Variants in LEPROTL1 observed in about 807,000 individuals in gnomAD.
LEPROTL1 encodes leptin receptor overlapping transcript-like 1.
LEPROTL1 carries 6 observed loss-of-function variants against 15.4 expected under a neutral mutation model. The ratio of observed to expected loss-of-function variants is 0.39; its 90% confidence interval spans 0.21 to 0.77. The LOEUF is 0.77. Among genes scored for constraint, LEPROTL1 ranks in the 30% least tolerant of loss-of-function variants. The probability of loss-of-function intolerance (pLI) is 0.41; values close to 1 mark genes in which losing one functional copy is unlikely to be tolerated. For synonymous variants in LEPROTL1, 56 were observed against 52.6 expected, an observed-to-expected ratio of 1.06 and a Z score of -0.28; for missense variants, 128 against 158.1, an observed-to-expected ratio of 0.81 and a Z score of 1.02.
intron 1 of LEPROTL1, among the ~76,000 whole-genome samples, chr8:30,100,127 G>A (rs115011056): frequency 4.3e-4 from 66 of 152,290 alleles, no homozygotes; most frequent in African/African-American, 1.5e-3. Context: ...TGTGTTCGGG[G>A]TTGCCATGAC....
chr8:30,117,982 GT>G (rs1802768118), intron 3 of LEPROTL1, among the ~76,000 whole-genome samples: 1 of 143,860 alleles, frequency 7.0e-6, no homozygotes, highest in Non-Finnish European at 1.5e-5. Flanking sequence ...TGAATCTACT[GT>G]TTGGGAAAAA....
chr8:30,111,474 A>G (rs1802651998), downstream of LEPROTL1, among the ~76,000 whole-genome samples: 1 of 152,224 alleles, frequency 6.6e-6, no homozygotes, highest in Admixed American at 6.5e-5. Context: ...TGGTGTTCAC[A>G]TCTCTGTATT....
At chr8:30,123,573 A>G (rs957298115) in intron 3 of LEPROTL1, among the ~76,000 whole-genome samples, 2 of 152,188 alleles carry the variant, frequency 1.3e-5, no homozygotes, top group Admixed American at 6.5e-5. Flanking sequence ...TTCTCATGTC[A>G]TACTAGCATT....
chr8:30,108,166 G>A lies in LEPROTL1; in HGVS notation c.*2304G>A, dbSNP rs774594657. On this transcript the variant is annotated 3_prime_UTR_variant, in exon 4 of 4. Coordinates refer to ENST00000321250, the MANE Select transcript of LEPROTL1 (RefSeq NM_015344.3). ...AGGTGATGTAAAGCAAGATGACATT[G>A]GTGTAATGTTAGAGTTGCAGAAGTT... 3.6e-6 allele frequency: 1 copy of A among 276,122 alleles called. No individual in the cohort carries two copies. Among genetic ancestry groups the A allele is most frequent in the Non-Finnish European group, 5.5e-6 (1 of 181,548 alleles). The allele number at this position is 276,122 out of a possible 1,614,324, so 17.1% of individuals were successfully genotyped here.
At chr8:30,135,404 C>T (rs866429772) in intron 4 of LEPROTL1, among the ~76,000 whole-genome samples, 2 of 152,200 alleles carry the variant, frequency 1.3e-5, no homozygotes, top group African/African-American at 4.8e-5. Flanking sequence ...AATAAAAACT[C>T]GGTAGTGAAG....
chr8:30,104,470 T>C lies in LEPROTL1; in HGVS notation c.263T>C (p.Phe88Ser). 1 of 1,602,688 alleles carries C rather than the reference T, an allele frequency of 6.2e-7. No individual in the cohort carries two copies. Among genetic ancestry groups the C allele is most frequent in the South Asian group, 1.1e-5 (1 of 88,276 alleles). ...TCAGCTTTTGGACTCCCTATTGTAT[T>C]TGCCAGAGCACATCTGGTAAGTGAA... Reference protein sequence around the residue: ...VVSAFGLPIVFARAHLIEWGA... With the variant: ...VVSAFGLPIVSARAHLIEWGA... Residue 88 changes from phenylalanine to serine, a missense_variant, in exon 3 of 4, where the codon TTT (phenylalanine) becomes TCT (serine). Phe to Ser is a radical substitution (Grantham distance 155, BLOSUM62 -2). Coordinates refer to ENST00000321250, the MANE Select transcript of LEPROTL1 (RefSeq NM_015344.3).
rs914159191 is a variant in LEPROTL1 at position 30,105,942 on chromosome 8, A to C, written c.*80A>C. On this transcript the variant is annotated 3_prime_UTR_variant, in exon 4 of 4. Coordinates refer to ENST00000321250, the MANE Select transcript of LEPROTL1 (RefSeq NM_015344.3). ...ACGCACACAGGAGATGGGGCAGTTAATGCTGAATGGTATAGCAAGCCTCTT... is the reference window on the plus strand; with the variant it reads ...ACGCACACAGGAGATGGGGCAGTTACTGCTGAATGGTATAGCAAGCCTCTT... 21 of 1,391,384 alleles carry C rather than the reference A, an allele frequency of 1.5e-5. No individual in the cohort carries two copies. The highest frequency in any genetic ancestry group is 3.0e-5 in the African/African-American group (2 of 66,668). 86.2% of individuals were successfully genotyped at this position (1,391,384 alleles called of 1,614,324 possible).
At chr8:30,103,009 CAA>C (rs1802496845) in intron 2 of LEPROTL1, among the ~76,000 whole-genome samples, 2 of 152,152 alleles carry the variant, frequency 1.3e-5, no homozygotes, top group South Asian at 4.1e-4. Context: ...CAGATGTTTA[CAA>C]AGATATATTT....
In LEPROTL1 at chr8:30,104,333, C is replaced by A; in HGVS notation, c.126C>A (p.Tyr42Ter). 6.4e-7 allele frequency: 1 copy of A among 1,553,100 alleles called. No individual in the cohort carries two copies. Among genetic ancestry groups the A allele is most frequent in the Admixed American group, 1.9e-5 (1 of 51,348 alleles). ...GGCCCCTCTTTGTTCTATTTTTTTA[C>A]ATCCTTTCACCTATTCCATACTGCA... ...KYWPLFVLFFYILSPIPYCIA... is the reference protein window; with the variant it reads ...KYWPLFVLFF Residue 42 changes from tyrosine to a stop codon, truncating the protein, a stop_gained, in exon 3 of 4, where the codon TAC becomes TAA. Transcript: ENST00000321250. LOFTEE classifies it high-confidence loss of function.
intron 3 of LEPROTL1, among the ~76,000 whole-genome samples, chr8:30,120,719 A>G (rs1802817339): frequency 6.6e-6 from 1 of 152,058 alleles, no homozygotes; most frequent in South Asian, 2.1e-4. Context: ...CTTTTTAGAG[A>G]TGAAGTTTTG....
At chr8:30,111,078 G>A, downstream of LEPROTL1, among the ~76,000 whole-genome samples, 1 of 152,144 alleles carries the variant, frequency 6.6e-6, no homozygotes, top group East Asian at 1.9e-4. Context: ...TCATCTATTT[G>A]AAGATTGTTT....
chr8:30,117,370 G>T, intron 3 of LEPROTL1: 3 of 1,105,328 alleles, frequency 2.7e-6, no homozygotes, highest in Non-Finnish European at 4.1e-6. Context: ...GTAAATATAT[G>T]CTGCATTACA....
chr8:30,129,828 C>T (rs1386264360), intron 3 of LEPROTL1, among the ~76,000 whole-genome samples: 1 of 151,730 alleles, frequency 6.6e-6, no homozygotes, highest in Non-Finnish European at 1.5e-5. Context: ...ACAGGCTATA[C>T]AGGAAGCATG....
At chr8:30,124,308 A>G (rs1284158448) in intron 3 of LEPROTL1, among the ~76,000 whole-genome samples, 1 of 152,128 alleles carries the variant, frequency 6.6e-6, no homozygotes, top group Non-Finnish European at 1.5e-5. Context: ...TCTACCCAGT[A>G]GTCTCTTGCA....
At chr8:30,111,757 G>A (rs1016993370), downstream of LEPROTL1, among the ~76,000 whole-genome samples, 2 of 152,218 alleles carry the variant, frequency 1.3e-5, no homozygotes, top group Non-Finnish European at 2.9e-5. Flanking sequence ...AAGAGGTCGG[G>A]TGGGGGGTGG....
chr8:30,128,240 A>G (rs1204526542), intron 3 of LEPROTL1, among the ~76,000 whole-genome samples: 3 of 152,178 alleles, frequency 2.0e-5, no homozygotes, highest in East Asian at 1.9e-4. Flanking sequence ...ACTACTGTCC[A>G]GAGAAATGAA....
At chr8:30,120,956 C>T (rs1456958273) in intron 3 of LEPROTL1, among the ~76,000 whole-genome samples, 4 of 152,190 alleles carry the variant, frequency 2.6e-5, no homozygotes, top group Admixed American at 6.5e-5. Context: ...TTTCATCTCG[C>T]ATGACAAACT....
intron 3 of LEPROTL1, chr8:30,117,759 C>T (rs909951692): frequency 8.9e-6 from 8 of 900,708 alleles, no homozygotes; most frequent in South Asian, 1.3e-5. Context: ...GAGCATCAGC[C>T]AGGACATTCA....
rs1168852116 is a variant in LEPROTL1 at position 30,107,195 on chromosome 8, T to C, written c.*1333T>C. On this transcript the variant is annotated 3_prime_UTR_variant, in exon 4 of 4. Coordinates refer to ENST00000321250, the MANE Select transcript of LEPROTL1 (RefSeq NM_015344.3). ...AAAAGGCATTTGTTGTGTGAGTTAA[T>C]GCAAAGTAGCCAAGTCCAGCTATAT... 4.1e-6 allele frequency: 4 copies of C among 985,334 alleles called. No homozygotes were observed. Among genetic ancestry groups the C allele is most frequent in the Non-Finnish European group, 4.8e-6 (4 of 829,946 alleles). 61.0% of individuals were successfully genotyped at this position (985,334 alleles called of 1,614,324 possible). A position where few individuals can be genotyped will look rare whatever the true frequency, so the allele number is the denominator to read the frequency against.
Sources: gnomAD v4.1 joint callset for allele counts (sites outside exome capture counted in the v4.1 genomes callset) on GRCh38, gnomAD v4.1.1 for gene constraint, MANE v1.5 for transcripts, NCBI Gene and HGNC (gene_info 2026-07-23, HGNC 2026-07-21) for gene names.